Variants in FHIP2B observed in about 807,000 individuals in gnomAD.
FHIP2B encodes FHF complex subunit HOOK-interacting protein 2B.
In FHIP2B, 72 loss-of-function variants were observed where a neutral mutation model predicts 84.0. The ratio of observed to expected loss-of-function variants is 0.86; its 90% CI spans 0.71 to 1.04. The LOEUF (loss-of-function observed/expected upper bound fraction) is 1.04, where lower values mean the gene tolerates loss of function less well. Among genes scored for constraint, FHIP2B ranks in the 50% least tolerant of loss-of-function variants. The probability of loss-of-function intolerance (pLI) is 0.00; values close to 1 mark genes in which losing one functional copy is unlikely to be tolerated. For synonymous variants in FHIP2B, 497 were observed against 418.7 expected (o/e 1.19, Z -2.28); for missense variants, 972 against 968.9 (o/e 1.00, Z -0.04).
At chr8:22,090,218 C>G (rs1410595111) in intron 1 of FHIP2B, among the ~76,000 whole-genome samples, 1 of 151,642 alleles carries the variant, frequency 6.6e-6, no homozygotes, top group Non-Finnish European at 1.5e-5. Context: ...AGCAATACTT[C>G]TGCCTCCTAG....
At chr8:22,101,665 C>G in intron 13 of FHIP2B, 43 bp from the exon 14 acceptor site, 1 of 1,575,576 alleles carries the variant, frequency 6.3e-7, no homozygotes, top group Non-Finnish European at 8.6e-7. Flanking sequence ...CTGCTGGTTC[C>G]CAGTCCCCAG....
Position 22,104,383 on chromosome 8 carries a change from C to T in FHIP2B, c.*1452C>T, listed in dbSNP as rs1489558785. On this transcript the variant is annotated 3_prime_UTR_variant, in exon 17 of 17. Transcript: ENST00000289921. ...AATAAATGGTGTGATTGCGTGGACA[C>T]CGTGGCTCTGTTCTTGGCCAAGTTT... The T allele has an allele frequency of 6.6e-6, 1 of 152,528 alleles. No individual in the cohort carries two copies. The highest frequency in any genetic ancestry group is 1.5e-5 in the Non-Finnish European group (1 of 68,056). 9.4% of individuals were successfully genotyped at this position (152,528 alleles called of 1,614,324 possible). A position where few individuals can be genotyped will look rare whatever the true frequency, so the allele number is the denominator to read the frequency against.
intron 14 of FHIP2B, 132 bp from the exon 15 acceptor site, chr8:22,102,043 C>G (rs779644056): frequency 3.9e-6 from 6 of 1,552,160 alleles, no homozygotes; most frequent in Non-Finnish European, 5.2e-6. Context: ...CCCATGGAAT[C>G]CATGACACAC....
chr8:22,096,753 C>T, intron 3 of FHIP2B: 1 of 481,264 alleles, frequency 2.1e-6, no homozygotes, highest in Non-Finnish European at 3.6e-6. Context: ...GAGGAGCAAA[C>T]AGGACGGGCA....
At position 22,099,345 on chromosome 8, in the gene FHIP2B, C is replaced by T. The variant is rs746792316; in HGVS notation, c.1136C>T (p.Pro379Leu). 3.7e-6 allele frequency: 6 copies of T among 1,613,498 alleles called. No homozygotes were observed. In the Admixed American group the frequency reaches 1.0e-4, roughly 27 times the overall value. Residue 379 changes from proline (P) to leucine (L), a missense_variant, in exon 9 of 17, where the codon CCC becomes CTC. Transcript: ENST00000289921. ...AACTTCTTCGTGGAGACCCTGCAGCCCCAGCTCCTGCACGTGTAAGTGTCT... is the reference window on the plus strand; with the variant it reads ...AACTTCTTCGTGGAGACCCTGCAGCTCCAGCTCCTGCACGTGTAAGTGTCT... ...AENFFVETLQPQLLHVSEQSI... is the reference protein window; with the variant it reads ...AENFFVETLQLQLLHVSEQSI...
chr8:22,098,552 T>C lies in FHIP2B; in HGVS notation c.898T>C (p.Leu300=). Residue 300 remains leucine, a synonymous_variant, in exon 7 of 17, where the codon TTG becomes CTG. Transcript: ENST00000289921. ...TGCGATCGTCCGGCACCTTTGCCAG[T>C]TGTACCGGTCCATGCCTGTCTTCCT... ...CPAIVRHLCQ[L]YRSMPVFLDP... is the part of the protein sequence containing the mutation. The C allele has an allele frequency of 6.2e-7, 1 of 1,611,652 alleles. No homozygotes were observed. Among genetic ancestry groups the C allele is most frequent in the Non-Finnish European group, 8.5e-7 (1 of 1,179,098 alleles).
intron 10 of FHIP2B, chr8:22,100,298 C>A: frequency 2.5e-6 from 1 of 398,672 alleles, no homozygotes; most frequent in Non-Finnish European, 4.4e-6. Context: ...CGTACTACTT[C>A]GTGAGGTAGG....
At chr8:22,091,461 C>G (rs1213013662) in intron 1 of FHIP2B, among the ~76,000 whole-genome samples, 2 of 152,132 alleles carry the variant, frequency 1.3e-5, no homozygotes, top group African/African-American at 2.4e-5. Context: ...CCAGGCTGGT[C>G]TCGAACTCCT....
At chr8:22,097,131 G>A in intron 3 of FHIP2B, 1 of 286,994 alleles carries the variant, frequency 3.5e-6, no homozygotes, top group South Asian at 5.4e-5. Flanking sequence ...CAGTCATGGA[G>A]CACAGTGATG....
At chr8:22,091,134 C>T (rs1197253641) in intron 1 of FHIP2B, among the ~76,000 whole-genome samples, 5 of 151,926 alleles carry the variant, frequency 3.3e-5, no homozygotes, top group Non-Finnish European at 7.4e-5. Flanking sequence ...CTTTCCCAAG[C>T]CTTGGTCACC....
intron 8 of FHIP2B, 21 bp downstream of exon 8, chr8:22,099,077 G>A: frequency 6.4e-7 from 1 of 1,560,830 alleles, no homozygotes; most frequent in Non-Finnish European, 8.7e-7. Flanking sequence ...GCGGGCGGAG[G>A]CCGGGCTCTC....
chr8:22,098,931 C>T lies in FHIP2B; in HGVS notation c.966-17C>T. On this transcript the variant is annotated splice_polypyrimidine_tract_variant and intron_variant, in intron 7 of 16. Coordinates refer to ENST00000289921, the MANE Select transcript of FHIP2B (RefSeq NM_022749.7). ...TCCTTCTCCACTCTCTGAGACTTCA[C>T]TCCCCTCTTCCTTCAGGTTACCCAG... 6.3e-7 allele frequency: 1 copy of T among 1,581,882 alleles called. No homozygotes were observed. The highest frequency in any genetic ancestry group is 1.1e-5 in the South Asian group (1 of 86,988).
chr8:22,094,857 C>T lies in FHIP2B; in HGVS notation c.124+339C>T, dbSNP rs1455689313. On this transcript the variant is annotated intron_variant, in intron 2 of 16. Transcript: ENST00000289921. ...GCTCCAGACCTTCAGGCCCCAGGTGCTTGTGCCTAGGATTTAATGATCAAA... is the reference window on the plus strand; with the variant it reads ...GCTCCAGACCTTCAGGCCCCAGGTGTTTGTGCCTAGGATTTAATGATCAAA... The T allele has an allele frequency of 6.9e-6, 8 of 1,158,748 alleles. No individual in the cohort carries two copies. In the African/African-American group the frequency reaches 1.3e-4, roughly 19 times the overall value. The allele number at this position is 1,158,748 out of a possible 1,614,324, so 71.8% of individuals were successfully genotyped here. A position where few individuals can be genotyped will look rare whatever the true frequency, so the allele number is the denominator to read the frequency against.
At chr8:22,102,460 T>A (rs1265491478) in intron 15 of FHIP2B, 68 bp from the exon 16 acceptor site, 1 of 1,528,962 alleles carries the variant, frequency 6.5e-7, no homozygotes, top group Non-Finnish European at 8.9e-7. Context: ...CTCTGCATGG[T>A]GTGGCAGGGC....
At chr8:22,090,853 GGCCTCAAGCGATCCTTA>G (rs1825453296) in intron 1 of FHIP2B, among the ~76,000 whole-genome samples, 1 of 152,150 alleles carries the variant, frequency 6.6e-6, no homozygotes, top group South Asian at 2.1e-4. Flanking sequence ...TTGAGCTCCT[GGCCTCAAGCGATCCTTA>G]GCCTCCCAAA....
intron 1 of FHIP2B, among the ~76,000 whole-genome samples, chr8:22,090,381 A>G (rs549904179): frequency 6.6e-6 from 1 of 152,292 alleles, no homozygotes; most frequent in Non-Finnish European, 1.5e-5. Flanking sequence ...TTGGGAAGAA[A>G]GTCAGAAACT....
chr8:22,102,624 G>GT lies in FHIP2B; in HGVS notation c.2089_2090insT (p.Glu697ValfsTer34), dbSNP rs1826192588. 1.3e-6 allele frequency: 2 copies of GT among 1,562,882 alleles called. No homozygotes were observed. Among genetic ancestry groups the GT allele is most frequent in the African/African-American group, 2.7e-5 (2 of 73,776 alleles). On this transcript the variant is annotated frameshift_variant, in exon 16 of 17. Transcript: ENST00000289921. LOFTEE classifies it high-confidence loss of function. ...GCAGTTGACGGGCCAGGCTCCTGGG[G>GT]AGCAGTGAGTACCAAGGGTGCCAGG...
chr8:22,089,745 C>T (rs1329647834), intron 1 of FHIP2B: 2 of 1,261,210 alleles, frequency 1.6e-6, no homozygotes, highest in South Asian at 1.3e-5. Context: ...CCCTTCCCCT[C>T]GGTCTGATCT....
Position 22,101,090 on chromosome 8 carries a change from A to G in FHIP2B, c.1616+118A>G, listed in dbSNP as rs1470990765. 9.8e-6 allele frequency: 13 copies of G among 1,329,432 alleles called. No homozygotes were observed. In the Admixed American group the frequency reaches 2.1e-4, roughly 22 times the overall value. 82.4% of individuals were successfully genotyped at this position (1,329,432 alleles called of 1,614,324 possible). A position where few individuals can be genotyped will look rare whatever the true frequency, so the allele number is the denominator to read the frequency against. On this transcript the variant is annotated intron_variant, in intron 12 of 16. Transcript: ENST00000289921. ...GAGTGCAGTGGTACAATCTCGGCTC[A>G]CTGCAACCTCCACCTCCCGGGTTCC...
Sources: gnomAD v4.1 joint callset for allele counts (sites outside exome capture counted in the v4.1 genomes callset) on GRCh38, gnomAD v4.1.1 for gene constraint, MANE v1.5 for transcripts, NCBI Gene and HGNC (gene_info 2026-07-23, HGNC 2026-07-21) for gene names.